Variants in LSAMP observed in about 807,000 individuals in gnomAD.
The protein encoded by LSAMP is limbic system associated membrane protein, also known as limbic system-associated membrane protein.
A neutral mutation model predicts 38.6 loss-of-function variants in LSAMP; 7 were observed. The observed-to-expected ratio is 0.18, with a 90% CI of 0.10 to 0.34. The LOEUF is 0.34. Among genes scored for constraint, LSAMP ranks in the 10% least tolerant of loss-of-function variants. LSAMP has a pLI of 1.00. For synonymous variants in LSAMP, 154 were observed against 166.8 expected (o/e 0.92, Z 0.59); for missense variants, 313 against 420.0 (o/e 0.75, Z 2.23).
chr3:116,335,887 C>A (rs1376976172), intron 1 of LSAMP, among the ~76,000 whole-genome samples: 1 of 151,984 alleles, frequency 6.6e-6, no homozygotes, highest in East Asian at 1.9e-4. Flanking sequence ...ACAGTTTCTA[C>A]TCAAGATGTT....
At chr3:116,132,807 G>A (rs377220922) in intron 1 of LSAMP, among the ~76,000 whole-genome samples, 2 of 152,122 alleles carry the variant, frequency 1.3e-5, no homozygotes, top group African/African-American at 4.8e-5. Context: ...TATAGTTTAT[G>A]TTGGCCCTGG....
At chr3:116,038,871 A>G (rs141022873) in intron 2 of LSAMP, among the ~76,000 whole-genome samples, 22 of 152,348 alleles carry the variant, frequency 1.4e-4, no homozygotes, top group Middle Eastern at 3.4e-3. Flanking sequence ...TTGAGAAACC[A>G]CAATTGAATA....
intron 3 of LSAMP, among the ~76,000 whole-genome samples, chr3:115,856,166 G>T (rs1031605427): frequency 6.6e-6 from 1 of 152,188 alleles, no homozygotes; most frequent in South Asian, 2.1e-4. Flanking sequence ...ATAAATGTTT[G>T]TTGAGTTAGC....
intron 3 of LSAMP, among the ~76,000 whole-genome samples, chr3:115,915,607 G>A (rs905756717): frequency 1.3e-5 from 2 of 152,068 alleles, no homozygotes; most frequent in African/African-American, 2.4e-5. Flanking sequence ...TGGCAGTCTT[G>A]GGATATGATC....
intron 3 of LSAMP, among the ~76,000 whole-genome samples, chr3:116,019,161 G>C (rs113033296): frequency 1.1e-4 from 15 of 134,878 alleles, no homozygotes; most frequent in Non-Finnish European, 2.2e-4. Context: ...TGTGGGTGGG[G>C]GGGGGGGGGC....
intron 1 of LSAMP, among the ~76,000 whole-genome samples, chr3:116,434,130 A>T (rs1272787655): frequency 6.6e-6 from 1 of 152,166 alleles, no homozygotes; most frequent in Non-Finnish European, 1.5e-5. Context: ...CTTCAACCCC[A>T]CATCCACAAT....
At chr3:115,928,583 T>C (rs1292711006) in intron 3 of LSAMP, among the ~76,000 whole-genome samples, 1 of 152,222 alleles carries the variant, frequency 6.6e-6, no homozygotes, top group African/African-American at 2.4e-5. Context: ...GTTAAGTGCA[T>C]ATTGTGAATC....
At chr3:116,082,801 C>T (rs895853744) in intron 2 of LSAMP, among the ~76,000 whole-genome samples, 3 of 152,018 alleles carry the variant, frequency 2.0e-5, no homozygotes, top group Non-Finnish European at 4.4e-5. Context: ...AAACCAAATA[C>T]CACAGGTTCT....
At chr3:116,283,894 T>A (rs2047160742) in intron 1 of LSAMP, among the ~76,000 whole-genome samples, 1 of 152,106 alleles carries the variant, frequency 6.6e-6, no homozygotes, top group South Asian at 2.1e-4. Flanking sequence ...TAATCCCAGC[T>A]ACTTGGGAGG....
At position 115,925,105 on chromosome 3, in the gene LSAMP, G is replaced by T. The variant is rs750089246; in HGVS notation, c.515-72488C>A. Among the ~76,000 whole-genome samples the T allele has an allele frequency of 4.8e-4, 73 of 152,106 alleles. 1 individual carries two copies. Among genetic ancestry groups the T allele is most frequent in the Non-Finnish European group, 1.9e-4 (13 of 68,024 alleles). ...TTCCTTCCAAGTCCACTCTTTGAGG[G>T]GTAGGCCATATCCCAGGTATGTGTG... On this transcript the variant is annotated intron_variant, in intron 3 of 6. Transcript: ENST00000490035.
At chr3:115,909,277 C>G (rs1394733425) in intron 3 of LSAMP, among the ~76,000 whole-genome samples, 1 of 152,126 alleles carries the variant, frequency 6.6e-6, no homozygotes, top group Non-Finnish European at 1.5e-5. Context: ...GCCTACCTGC[C>G]CAGGCATCAC....
chr3:116,143,435 A>G (rs1709418071), intron 1 of LSAMP, among the ~76,000 whole-genome samples: 1 of 151,998 alleles, frequency 6.6e-6, no homozygotes, highest in Admixed American at 6.6e-5. Flanking sequence ...ATAATAACTA[A>G]TTGTACATCT....
chr3:116,233,451 C>T (rs891957503), intron 1 of LSAMP, among the ~76,000 whole-genome samples: 1 of 142,278 alleles, frequency 7.0e-6, no homozygotes, highest in Non-Finnish European at 1.5e-5. Context: ...CTAGGTAATA[C>T]TTATATATAA....
At position 115,889,426 on chromosome 3, in the gene LSAMP, G is replaced by A. The variant is rs549725538; in HGVS notation, c.515-36809C>T. Among the ~76,000 whole-genome samples, 14 of 152,000 alleles carry A rather than the reference G, an allele frequency of 9.2e-5. No homozygotes were observed. The South Asian group carries it at 2.9e-3, about 32-fold the overall frequency. Reference sequence around the variant, plus strand: ...CTGGGATTCTGGTGCTCCAATTGGGGTTATATTTAGGTAAGGCTTAAGAAC... The same window carrying A: ...CTGGGATTCTGGTGCTCCAATTGGGATTATATTTAGGTAAGGCTTAAGAAC... On this transcript the variant is annotated intron_variant, in intron 3 of 6. Transcript: ENST00000490035.
At chr3:116,066,829 T>G in intron 2 of LSAMP, among the ~76,000 whole-genome samples, 1 of 152,366 alleles carries the variant, frequency 6.6e-6, no homozygotes, top group Non-Finnish European at 1.5e-5. Context: ...TTTCCAAATA[T>G]TTATTGTTTA....
chr3:115,835,541 A>T (rs1934753921), intron 6 of LSAMP, among the ~76,000 whole-genome samples: 1 of 152,240 alleles, frequency 6.6e-6, no homozygotes, highest in South Asian at 2.1e-4. Context: ...TAATTAGCAC[A>T]CACTTTTCTA....
intron 1 of LSAMP, among the ~76,000 whole-genome samples, chr3:116,277,648 G>A (rs1268844687): frequency 1.3e-5 from 2 of 152,156 alleles, no homozygotes; most frequent in Non-Finnish European, 2.9e-5. Context: ...TGGGATTACA[G>A]GCGTGAGCCA....
intron 3 of LSAMP, among the ~76,000 whole-genome samples, chr3:115,940,846 T>G (rs1937894932): frequency 6.6e-6 from 1 of 152,170 alleles, no homozygotes; most frequent in Non-Finnish European, 1.5e-5. Context: ...CTTCGTAATA[T>G]AGTTTGAAAT....
chr3:116,442,812 TG>T (rs1475101290), intron 1 of LSAMP, among the ~76,000 whole-genome samples: 1 of 152,230 alleles, frequency 6.6e-6, no homozygotes. Context: ...CACACTGTAA[TG>T]TCTGCTAAAG....
Sources: gnomAD v4.1 joint callset for allele counts (sites outside exome capture counted in the v4.1 genomes callset) on GRCh38, gnomAD v4.1.1 for gene constraint, MANE v1.5 for transcripts, NCBI Gene and HGNC (gene_info 2026-07-23, HGNC 2026-07-21) for gene names.